Variants in SYNPO observed in about 807,000 individuals in gnomAD.
The protein encoded by SYNPO is synaptopodin.
SYNPO carries 19 observed loss-of-function variants against 49.5 expected under a neutral mutation model. The observed-to-expected ratio is 0.38, with a 90% CI of 0.27 to 0.56. The LOEUF (loss-of-function observed/expected upper bound fraction) is 0.56, where lower values mean the gene tolerates loss of function less well. SYNPO is among the 20% of genes least tolerant of loss of function. SYNPO has a pLI of 0.68. For synonymous variants in SYNPO, 536 were observed against 548.0 expected, an observed-to-expected ratio of 0.98 and a Z score of 0.31; for missense variants, 1,131 against 1,248.3, an observed-to-expected ratio of 0.91 and a Z score of 1.42.
At chr5:150,640,541 G>T (rs752173194), upstream of SYNPO, 64 of 592,682 alleles carry the variant, frequency 1.1e-4, no homozygotes, top group Middle Eastern at 2.6e-3. Flanking sequence ...CAGGAGAGAG[G>T]CATGAGTGGA....
chr5:150,603,646 C>T (rs969222755), intron 1 of SYNPO, among the ~76,000 whole-genome samples: 3 of 152,200 alleles, frequency 2.0e-5, no homozygotes, highest in African/African-American at 7.2e-5. Flanking sequence ...CAAAGGGTAC[C>T]AAGCTTTGGC....
intron 1 of SYNPO, among the ~76,000 whole-genome samples, chr5:150,602,849 C>T (rs1447328630): frequency 5.9e-5 from 9 of 152,152 alleles, no homozygotes; most frequent in Admixed American, 3.3e-4. Flanking sequence ...CCGCTTTCAT[C>T]ATTTTAAATG....
chr5:150,616,399 A>T (rs1483547779), intron 1 of SYNPO, among the ~76,000 whole-genome samples: 1 of 152,208 alleles, frequency 6.6e-6, no homozygotes, highest in Non-Finnish European at 1.5e-5. Context: ...GAGTTCACAC[A>T]GCTAAGTAGC....
chr5:150,608,573 T>C (rs1002643027), intron 1 of SYNPO: 9 of 151,740 alleles, frequency 5.9e-5, no homozygotes, highest in South Asian at 4.2e-4. Context: ...ATTTTTTTTT[T>C]CCTGAAACCC....
At chr5:150,628,568 C>T (rs759227352) in intron 2 of SYNPO, among the ~76,000 whole-genome samples, 1 of 151,858 alleles carries the variant, frequency 6.6e-6, no homozygotes, top group African/African-American at 2.4e-5. Flanking sequence ...ATGATAAATG[C>T]TAAAAAAAAA....
At chr5:150,618,744 G>A in exon 2 of SYNPO, 1 of 1,551,132 alleles carries the variant, frequency 6.4e-7, no homozygotes, top group South Asian at 1.2e-5. Context: ...CCTGGCCCTG[G>A]GCCCAGAGTG....
At chr5:150,611,165 T>C (rs12188485) in intron 1 of SYNPO, among the ~76,000 whole-genome samples, 50,887 of 152,146 alleles carry the variant, frequency 0.33, 8,637 homozygotes, top group Middle Eastern at 0.46. Context: ...TATTTTTCCA[T>C]CGTATTTAAC....
At chr5:150,600,829 A>G (rs1756507990), upstream of SYNPO, among the ~76,000 whole-genome samples, 2 of 152,092 alleles carry the variant, frequency 1.3e-5, no homozygotes, top group Admixed American at 1.3e-4. Flanking sequence ...AGGTTTTGAA[A>G]TGCTACAGAA....
chr5:150,635,533 A>G (rs775343062), intron 2 of SYNPO, among the ~76,000 whole-genome samples: 12 of 152,154 alleles, frequency 7.9e-5, no homozygotes, highest in East Asian at 1.9e-4. Flanking sequence ...CAGTGACGCA[A>G]TCTGGGCTCA....
upstream of SYNPO, among the ~76,000 whole-genome samples, chr5:150,635,998 C>G (rs1757703311): frequency 6.6e-6 from 1 of 152,212 alleles, no homozygotes; most frequent in South Asian, 2.1e-4. Context: ...TCACCCCTTA[C>G]AGTCCATATA....
chr5:150,606,821 C>T (rs920632694), intron 1 of SYNPO, among the ~76,000 whole-genome samples: 2 of 152,162 alleles, frequency 1.3e-5, no homozygotes, highest in Non-Finnish European at 1.5e-5. Context: ...GCCCCTCAGC[C>T]GCCTCTTTCA....
At chr5:150,634,946 G>A (rs1461837865) in intron 2 of SYNPO, among the ~76,000 whole-genome samples, 1 of 152,070 alleles carries the variant, frequency 6.6e-6, no homozygotes, top group Admixed American at 6.5e-5. Flanking sequence ...AGATTTTAAT[G>A]TACCCTTGGA....
At chr5:150,643,726 G>T (rs1348589282) in intron 1 of SYNPO, among the ~76,000 whole-genome samples, 2 of 152,028 alleles carry the variant, frequency 1.3e-5, no homozygotes, top group African/African-American at 2.4e-5. Context: ...GTAGAGATGG[G>T]GTTTCACCAT....
chr5:150,651,285 A>G, intron 2 of SYNPO: 1 of 1,001,182 alleles, frequency 1.0e-6, no homozygotes, highest in Non-Finnish European at 1.2e-6. Flanking sequence ...GAGGCAGGAG[A>G]GGAGGGTTCC....
At chr5:150,619,078 T>C (rs567222112) in intron 2 of SYNPO, among the ~76,000 whole-genome samples, 2 of 152,126 alleles carry the variant, frequency 1.3e-5, no homozygotes, top group Non-Finnish European at 2.9e-5. Flanking sequence ...CGTCTGCCTT[T>C]TAATCATTAG....
In SYNPO at chr5:150,658,339, G is replaced by C. The variant is rs1472330974; in HGVS notation, c.*1252G>C. On this transcript the variant is annotated 3_prime_UTR_variant, in exon 3 of 3. Transcript: ENST00000307662. ...GGAAATGTCCCCTTCTTCAGTGTCAGACCTCAGTCCCAGTGTCCATATCGT... is the reference window on the plus strand; with the variant it reads ...GGAAATGTCCCCTTCTTCAGTGTCACACCTCAGTCCCAGTGTCCATATCGT... 1.3e-5 allele frequency: 2 copies of C among 152,390 alleles called. No homozygotes were observed. The highest frequency in any genetic ancestry group is 3.8e-4 in the East Asian group (2 of 5,328). 9.4% of individuals were successfully genotyped at this position (152,390 alleles called of 1,614,324 possible). A position where few individuals can be genotyped will look rare whatever the true frequency, so the allele number is the denominator to read the frequency against.
In SYNPO at chr5:150,649,869, G is replaced by A; in HGVS notation, c.1594G>A (p.Ala532Thr). 1 of 1,609,060 alleles carries A rather than the reference G, an allele frequency of 6.2e-7. No homozygotes were observed. Among genetic ancestry groups the A allele is most frequent in the Non-Finnish European group, 8.5e-7 (1 of 1,179,976 alleles). The stretch of plus-strand genomic sequence containing the variant: ...TAACGCCCCCGGGGCCTTCCGAGTG[G>A]CATCCCGAAGCCCAGCCCGGACCCC... ...PTNAPGAFRV[A>T]SRSPARTPPA... Residue 532 changes from alanine (A) to threonine (T), a missense_variant, in exon 2 of 3, where the codon GCA (alanine) becomes ACA (threonine). This residue lies in a region of SYNPO where 602 missense variants were observed against 720.7 expected (regional missense o/e 0.84). Transcript: ENST00000307662.
At chr5:150,592,982 C>G in the SYNPO span, among the ~76,000 whole-genome samples, 3 of 152,234 alleles carry the variant, frequency 2.0e-5, no homozygotes, top group African/African-American at 7.2e-5. Context: ...TTAGGCTGAA[C>G]AGAAACCTGC....
chr5:150,604,265 G>T (rs982393325), intron 1 of SYNPO, among the ~76,000 whole-genome samples: 10 of 152,212 alleles, frequency 6.6e-5, no homozygotes, highest in African/African-American at 2.4e-4. Flanking sequence ...TATGTGGGGA[G>T]GATGAGCGCT....
Sources: allele counts gnomAD v4.1 joint callset (sites outside exome capture counted in the v4.1 genomes callset), GRCh38; gene constraint gnomAD v4.1.1; regional missense constraint gnomAD v4.1.1; transcripts MANE v1.5; gene names NCBI Gene and HGNC (gene_info 2026-07-23, HGNC 2026-07-21).